GIGYF1: variants seen among roughly 807,000 people sequenced by gnomAD.
GIGYF1 encodes the protein GRB10-interacting GYF protein 1.
In GIGYF1, 84 loss-of-function variants were observed where a neutral mutation model predicts 147.1. That is an observed-to-expected ratio of 0.57 (90% CI 0.48 to 0.68). The LOEUF is 0.68. GIGYF1 is among the 30% of genes least tolerant of loss of function. The pLI is 0.00. For synonymous variants in GIGYF1, 752 were observed against 589.5 expected, an observed-to-expected ratio of 1.28 and a Z score of -3.99; for missense variants, 1,485 against 1,393.7, an observed-to-expected ratio of 1.07 and a Z score of -1.04.
At position 100,683,304 on chromosome 7, in the gene GIGYF1, G is replaced by A. The variant is rs143878382; in HGVS notation, c.2193C>T (p.His731=). The A allele has an allele frequency of 1.2e-5, 20 of 1,613,628 alleles. No individual in the cohort carries two copies. The highest frequency in any genetic ancestry group is 8.0e-5 in the African/African-American group (6 of 74,938). The change falls in exon 21 of 27, where the codon CAC becomes CAT. Residue 731 remains histidine, a splice_region_variant and synonymous_variant. Transcript: ENST00000678049. ...QEEEELFRRK[H]VRQQELLLKL... is the part of the protein sequence containing the mutation. ...CCAGCTGAGGCTTGGGAGCACCCAC[G>A]TGCTTGCGCCGAAACAGCTCTTCCT...
At position 100,683,057 on chromosome 7, in the gene GIGYF1, G is replaced by C. The variant is rs373297103; in HGVS notation, c.2367C>G (p.Pro789=). 4 of 1,575,596 alleles carry C rather than the reference G, an allele frequency of 2.5e-6. No homozygotes were observed. The highest frequency in any genetic ancestry group is 1.3e-5 in the African/African-American group (1 of 74,400). Residue 789 remains proline (P), a synonymous_variant, in exon 22 of 27, where the codon CCC becomes CCG. Transcript: ENST00000678049. ...GGGCCCGAGCTGGCTCCCGAGGTGGGGGCTGTTTGTGCAGCTGCCGCTCGC... is the reference window on the plus strand; with the variant it reads ...GGGCCCGAGCTGGCTCCCGAGGTGGCGGCTGTTTGTGCAGCTGCCGCTCGC... ...LEGERQLHKQ[P]PPREPARAQA...
In GIGYF1 at chr7:100,681,261, T is replaced by C. The variant is rs1334762111; in HGVS notation, c.*458A>G. The C allele has an allele frequency of 6.6e-6, 1 of 151,842 alleles. No individual in the cohort carries two copies. The highest frequency in any genetic ancestry group is 6.6e-5 in the Admixed American group (1 of 15,208). The allele number at this position is 151,842 out of a possible 1,614,324, so 9.4% of individuals were successfully genotyped here. A position where few individuals can be genotyped will look rare whatever the true frequency, so the allele number is the denominator to read the frequency against. ...GGCCTTGGGGGCCAGGCAGGACAGGTCCACGGGGCCTGTGTCCCCACTGCC... is the reference window on the plus strand; with the variant it reads ...GGCCTTGGGGGCCAGGCAGGACAGGCCCACGGGGCCTGTGTCCCCACTGCC... On this transcript the variant is annotated 3_prime_UTR_variant, in exon 27 of 27. Transcript: ENST00000678049.
chr7:100,688,316 G>T lies in GIGYF1; in HGVS notation c.-69-9C>A, dbSNP rs1182831979. On this transcript the variant is annotated splice_polypyrimidine_tract_variant and intron_variant, in intron 3 of 26. Coordinates refer to ENST00000678049, the MANE Select transcript of GIGYF1 (RefSeq NM_001375765.1). ...GTTCACTGTCCAAACACCTGTGGGG[G>T]AACAGGGGCCATGAAGAACAGCACA... The T allele has an allele frequency of 3.5e-6, 4 of 1,156,888 alleles. No individual in the cohort carries two copies. Among genetic ancestry groups the T allele is most frequent in the South Asian group, 2.6e-5 (2 of 77,126 alleles). 71.7% of individuals were successfully genotyped at this position (1,156,888 alleles called of 1,614,324 possible).
intron 1 of GIGYF1, among the ~76,000 whole-genome samples, chr7:100,691,622 C>T (rs572142258): frequency 2.0e-5 from 3 of 151,726 alleles, no homozygotes; most frequent in African/African-American, 7.3e-5. Flanking sequence ...TGGGGTACTG[C>T]CACCTGCCCG....
chr7:100,690,808 A>C (rs1036510712), intron 1 of GIGYF1, among the ~76,000 whole-genome samples: 1 of 150,794 alleles, frequency 6.6e-6, no homozygotes, highest in African/African-American at 2.4e-5. Flanking sequence ...AAAAATTTAA[A>C]GCGATGGCCT....
chr7:100,687,641 G>T, intron 6 of GIGYF1, 25 bp from the exon 7 acceptor site: 1 of 1,580,108 alleles, frequency 6.3e-7, no homozygotes, highest in Non-Finnish European at 8.6e-7. Context: ...AGGGGCGGGA[G>T]TGAGGACCCA....
Position 100,683,443 on chromosome 7 carries a change from A to C in GIGYF1, c.2054T>G (p.Phe685Cys). 6.2e-7 allele frequency: 1 copy of C among 1,614,080 alleles called. No homozygotes were observed. Reference protein sequence around the residue: ...ILEQLQLQHKFQERREVELRA... With the variant: ...ILEQLQLQHKCQERREVELRA... ...GAGCTCCACTTCTCTGCGCTCCTGGAACTGAGACCAGTGGCCCATCAGAGG... is the reference window on the plus strand; with the variant it reads ...GAGCTCCACTTCTCTGCGCTCCTGGCACTGAGACCAGTGGCCCATCAGAGG... The change falls in exon 21 of 27, where the codon TTC becomes TGC. Residue 685 changes from phenylalanine to cysteine, a missense_variant and splice_region_variant. Physicochemically the swap from Phe to Cys is radical, Grantham distance 205 (BLOSUM62 -2). Coordinates refer to ENST00000678049, the MANE Select transcript of GIGYF1 (RefSeq NM_001375765.1).
chr7:100,679,866 CTT>C lies in GIGYF1; in HGVS notation c.*1851_*1852del, dbSNP rs1804559587. The C allele has an allele frequency of 2.0e-5, 3 of 152,562 alleles. No homozygotes were observed. The highest frequency in any genetic ancestry group is 1.3e-4 in the Admixed American group (2 of 15,276). The allele number at this position is 152,562 out of a possible 1,614,324, so 9.5% of individuals were successfully genotyped here. A position where few individuals can be genotyped will look rare whatever the true frequency, so the allele number is the denominator to read the frequency against. Reference sequence around the variant, plus strand: ...CATGGGCCCCCTAAGTCCAAAGTCTCTTTAGCTGGGGAGAAGAGACAGGAAGA... The same window carrying C: ...CATGGGCCCCCTAAGTCCAAAGTCTCTAGCTGGGGAGAAGAGACAGGAAGA... On this transcript the variant is annotated 3_prime_UTR_variant, in exon 27 of 27. Coordinates refer to ENST00000678049, the MANE Select transcript of GIGYF1 (RefSeq NM_001375765.1).
At position 100,683,094 on chromosome 7, in the gene GIGYF1, A is replaced by G; in HGVS notation, c.2330T>C (p.Leu777Ser). 2 of 1,589,300 alleles carry G rather than the reference A, an allele frequency of 1.3e-6. No individual in the cohort carries two copies. Among genetic ancestry groups the G allele is most frequent in the South Asian group, 1.1e-5 (1 of 89,820 alleles). ...CAGCTGCCGCTCGCCCTCCAGCTGC[A>G]ACTCCAGGAGCGTCTTCATGGACAG... ...QGLSMKTLLE[L>S]QLEGERQLHK... Residue 777 changes from leucine (L) to serine (S), a missense_variant, in exon 22 of 27, where the codon TTG becomes TCG. Leu to Ser is a moderately radical substitution (Grantham distance 145, BLOSUM62 -2). Coordinates refer to ENST00000678049, the MANE Select transcript of GIGYF1 (RefSeq NM_001375765.1).
rs1804673336 is a variant in GIGYF1, at chr7:100,680,782, CACAGGGGTGAGGCAGCTCAG to C, written c.*917_*936del. On this transcript the variant is annotated 3_prime_UTR_variant, in exon 27 of 27. Transcript: ENST00000678049. ...GGAGCAATCATCCACCCCCGCCGCTCACAGGGGTGAGGCAGCTCAGGCAGGGGTGAGGCGGGGGCTTGTGG... is the reference window on the plus strand; with the variant it reads ...GGAGCAATCATCCACCCCCGCCGCTCGCAGGGGTGAGGCGGGGGCTTGTGG... The C allele has an allele frequency of 6.5e-6, 1 of 152,832 alleles. No individual in the cohort carries two copies. Among genetic ancestry groups the C allele is most frequent in the Admixed American group, 6.5e-5 (1 of 15,288 alleles). 9.5% of individuals were successfully genotyped at this position (152,832 alleles called of 1,614,324 possible). A position where few individuals can be genotyped will look rare whatever the true frequency, so the allele number is the denominator to read the frequency against.
chr7:100,681,709 T>C lies in GIGYF1; in HGVS notation c.*10A>G, dbSNP rs1185556397. 1.9e-6 allele frequency: 3 copies of C among 1,548,396 alleles called. No individual in the cohort carries two copies. The highest frequency in any genetic ancestry group is 4.5e-5 in the East Asian group (2 of 44,260). On this transcript the variant is annotated 3_prime_UTR_variant, in exon 27 of 27. Coordinates refer to ENST00000678049, the MANE Select transcript of GIGYF1 (RefSeq NM_001375765.1). ...TGGCCTACAGCCCAGGGGCTGGGGG[T>C]CCGGGCTGGTCAGTAGTCATCCACG...
In GIGYF1 at chr7:100,682,793, G is replaced by C. The variant is rs746334054; in HGVS notation, c.2413-16C>G. On this transcript the variant is annotated splice_polypyrimidine_tract_variant and intron_variant, in intron 22 of 26. Coordinates refer to ENST00000678049, the MANE Select transcript of GIGYF1 (RefSeq NM_001375765.1). ...CCCCAAGCTGCTACAGATGGCAGAA[G>C]ATCAGAGTGGCTCAAACAAAGGCAC... 1 of 1,516,718 alleles carries C rather than the reference G, an allele frequency of 6.6e-7. No individual in the cohort carries two copies. Among genetic ancestry groups the C allele is most frequent in the Non-Finnish European group, 8.8e-7 (1 of 1,134,534 alleles). 94.0% of individuals were successfully genotyped at this position (1,516,718 alleles called of 1,614,324 possible).
At chr7:100,688,567 C>A (rs1188556112) in intron 2 of GIGYF1, 25 bp downstream of exon 2, 1 of 581,554 alleles carries the variant, frequency 1.7e-6, no homozygotes. Flanking sequence ...CTCAGCAGGG[C>A]AACCACCCTT....
intron 22 of GIGYF1, 24 bp from the exon 23 acceptor site, chr7:100,682,801 T>A (rs1282060230): frequency 1.3e-6 from 2 of 1,513,054 alleles, no homozygotes; most frequent in African/African-American, 1.4e-5. Context: ...AAGATCAGAG[T>A]GGCTCAAACA....
rs1804713260 is a variant in GIGYF1, at chr7:100,681,160, C to CA, written c.*558dup. ...CACAACAGGTCTGGCGGGTGGGGCT[C>CA]AGACAGGCCTCCTGTGCAAACTGCT... On this transcript the variant is annotated 3_prime_UTR_variant, in exon 27 of 27. Coordinates refer to ENST00000678049, the MANE Select transcript of GIGYF1 (RefSeq NM_001375765.1). The CA allele has an allele frequency of 6.5e-6, 1 of 152,678 alleles. No individual in the cohort carries two copies. Among genetic ancestry groups the CA allele is most frequent in the Non-Finnish European group, 1.5e-5 (1 of 68,080 alleles). The allele number at this position is 152,678 out of a possible 1,614,324, so 9.5% of individuals were successfully genotyped here.
At chr7:100,687,735 C>T in intron 6 of GIGYF1, 53 bp downstream of exon 6, 2 of 1,584,000 alleles carry the variant, frequency 1.3e-6, no homozygotes, top group Non-Finnish European at 1.7e-6. Flanking sequence ...CTAACCCAAC[C>T]CATGGCCTCC....
In GIGYF1 at chr7:100,683,014, C is replaced by G. The variant is rs765645729; in HGVS notation, c.2410G>C (p.Val804Leu). 1.1e-5 allele frequency: 17 copies of G among 1,524,384 alleles called. No individual in the cohort carries two copies. Among genetic ancestry groups the G allele is most frequent in the Non-Finnish European group, 1.4e-5 (16 of 1,139,950 alleles). 94.4% of individuals were successfully genotyped at this position (1,524,384 alleles called of 1,614,324 possible). ...PARAQAPNHR[V>L]QLGGLGTAPL... is the part of the protein sequence containing the mutation. ...CGGGAGGTTCCCGGCCTGCTCACCA[C>G]TCGGTGGTTGGGGGCCTGGGCCCGA... The change falls in exon 22 of 27, where the codon GTG becomes CTG. Residue 804 changes from valine to leucine, a missense_variant and splice_region_variant. Physicochemically the swap from Val to Leu is conservative, Grantham distance 32. Transcript: ENST00000678049.
At position 100,687,546 on chromosome 7, in the gene GIGYF1, A is replaced by T; in HGVS notation, c.332T>A (p.Leu111Gln). 1 of 1,609,986 alleles carries T rather than the reference A, an allele frequency of 6.2e-7. No homozygotes were observed. Among genetic ancestry groups the T allele is most frequent in the Non-Finnish European group, 8.5e-7 (1 of 1,178,174 alleles). ...RLMGKGAGPP[L>Q]AGTSRGRGST... ...GCCCCTGCCTCGGGAGGTGCCAGCC[A>T]GGGGGGGGCCAGCCCCTTTCCCCAT... The change falls in exon 7 of 27, where the codon CTG becomes CAG. Residue 111 changes from leucine (L) to glutamine (Q), a missense_variant. Coordinates refer to ENST00000678049, the MANE Select transcript of GIGYF1 (RefSeq NM_001375765.1).
chr7:100,686,191 A>G lies in GIGYF1; in HGVS notation c.937T>C (p.Leu313=), dbSNP rs199598377. The change falls in exon 11 of 27, where the codon TTG becomes CTG. Residue 313 remains leucine (L), a synonymous_variant. Transcript: ENST00000678049. Reference sequence around the variant, plus strand: ...CTCCTCACAGATACCTTGAGAGGCAAGAAGGCCCCAGAGGCATCAAAGGTG... The same window carrying G: ...CTCCTCACAGATACCTTGAGAGGCAGGAAGGCCCCAGAGGCATCAAAGGTG... ...MGTFDASGAF[L]PLKKGPKEPI... is the part of the protein sequence containing the mutation. The G allele has an allele frequency of 9.3e-6, 15 of 1,609,426 alleles. No homozygotes were observed. The East Asian group carries it at 1.6e-4, about 17-fold the overall frequency.
Sources: gnomAD v4.1 joint callset for allele counts (sites outside exome capture counted in the v4.1 genomes callset) on GRCh38, gnomAD v4.1.1 for gene constraint, MANE v1.5 for transcripts, NCBI Gene and HGNC (gene_info 2026-07-23, HGNC 2026-07-21) for gene names.